The following CAST variants were observed in gnomAD, a reference collection of about 807,000 sequenced individuals.
The protein encoded by CAST is calpastatin.
Under a neutral mutation model 119.6 loss-of-function variants are expected in CAST, and 76 were observed. The ratio of observed to expected loss-of-function variants is 0.64; its 90% confidence interval spans 0.53 to 0.77. The LOEUF (loss-of-function observed/expected upper bound fraction) is 0.77. Among genes scored for constraint, CAST ranks in the 30% least tolerant of loss-of-function variants. The pLI is 0.00. For missense variants in CAST, 953 were observed against 946.5 expected, an observed-to-expected ratio of 1.01 and a Z score of -0.09; for synonymous variants, 319 against 331.6, an observed-to-expected ratio of 0.96 and a Z score of 0.41.
At chr5:96,620,440 G>T (rs532849389) in intron 1 of CAST, among the ~76,000 whole-genome samples, 1 of 152,086 alleles carries the variant, frequency 6.6e-6, no homozygotes, top group East Asian at 1.9e-4. Flanking sequence ...TTCTTGTGGT[G>T]CTGGGCAGCA....
chr5:96,530,473 T>A (rs1158653522), intron 1 of CAST, among the ~76,000 whole-genome samples: 1 of 152,086 alleles, frequency 6.6e-6, no homozygotes. Flanking sequence ...AGTAGGCAAT[T>A]GGATAAAGAG....
chr5:96,236,095 ATCTG>A, the CAST span, among the ~76,000 whole-genome samples: 7 of 151,104 alleles, frequency 4.6e-5, no homozygotes, highest in African/African-American at 1.7e-4. Flanking sequence ...CTGTCTGTCT[ATCTG>A]TCTGTCTGTC....
the CAST span, among the ~76,000 whole-genome samples, chr5:96,130,406 A>T: frequency 4.0e-5 from 6 of 151,492 alleles, no homozygotes; most frequent in African/African-American, 1.5e-4. Context: ...AAGATGTAAC[A>T]TGGTCTCCTG....
chr5:96,280,262 G>T, the CAST span, among the ~76,000 whole-genome samples: 1 of 151,994 alleles, frequency 6.6e-6, no homozygotes, highest in African/African-American at 2.4e-5. Context: ...CTGTTTGGTA[G>T]TTCCTAATTC....
At chr5:96,559,053 A>C (rs1746301987) in intron 1 of CAST, among the ~76,000 whole-genome samples, 1 of 152,214 alleles carries the variant, frequency 6.6e-6, no homozygotes, top group African/African-American at 2.4e-5. Flanking sequence ...CTGGTTCAAC[A>C]TATGCAAATC....
the CAST span, among the ~76,000 whole-genome samples, chr5:96,481,874 A>AT: frequency 1.3e-5 from 2 of 152,202 alleles, no homozygotes; most frequent in African/African-American, 4.8e-5. Context: ...TATTATACCA[A>AT]TAAAAAGTAA....
intron 1 of CAST, among the ~76,000 whole-genome samples, chr5:96,599,030 G>A (rs890587817): frequency 3.3e-5 from 5 of 152,116 alleles, no homozygotes; most frequent in African/African-American, 4.8e-5. Context: ...GCTTCTGACC[G>A]TGGATCTCTC....
intron 28 of CAST, 43 bp from the exon 29 acceptor site, chr5:96,767,864 C>T (rs1308910364): frequency 1.6e-6 from 2 of 1,285,774 alleles, no homozygotes; most frequent in African/African-American, 2.9e-5. Flanking sequence ...TTGCATTTTG[C>T]CTTCTGCTTC....
chr5:96,172,560 C>T, the CAST span, among the ~76,000 whole-genome samples: 6 of 152,318 alleles, frequency 3.9e-5, no homozygotes, highest in African/African-American at 1.4e-4. Context: ...AAAAGAAGGC[C>T]AGCTGCTACT....
chr5:96,732,708 G>T (rs1167544306), intron 9 of CAST, among the ~76,000 whole-genome samples: 5 of 152,068 alleles, frequency 3.3e-5, no homozygotes, highest in East Asian at 1.9e-4. Flanking sequence ...TTAATAAATG[G>T]TGCTGGGAAA....
chr5:96,423,332 G>C, the CAST span: 1 of 1,611,416 alleles, frequency 6.2e-7, no homozygotes, highest in South Asian at 1.1e-5. Context: ...ATAAATGTCC[G>C]TGTGATTCCA....
the CAST span, among the ~76,000 whole-genome samples, chr5:96,081,777 T>TA: frequency 6.6e-6 from 1 of 152,234 alleles, no homozygotes; most frequent in South Asian, 2.1e-4. Context: ...CCTCCATTGT[T>TA]AAAGTTAAGA....
the CAST span, among the ~76,000 whole-genome samples, chr5:95,995,738 A>G: frequency 6.6e-6 from 1 of 152,070 alleles, no homozygotes; most frequent in Non-Finnish European, 1.5e-5. Flanking sequence ...CTTTGGAAAT[A>G]GTTATATTAA....
intron 1 of CAST, among the ~76,000 whole-genome samples, chr5:96,667,245 A>G (rs1439114224): frequency 6.6e-6 from 1 of 152,264 alleles, no homozygotes; most frequent in African/African-American, 2.4e-5. Flanking sequence ...CTCATAGAAC[A>G]TAAGAATAAA....
At chr5:96,766,010 A>G in intron 26 of CAST, 43 bp from the exon 27 acceptor site, 7 of 1,087,472 alleles carry the variant, frequency 6.4e-6, no homozygotes, top group Non-Finnish European at 9.8e-6. Flanking sequence ...TCTAAGTGAA[A>G]GAGGAAATGA....
At chr5:96,353,460 C>T in the CAST span, among the ~76,000 whole-genome samples, 3 of 152,098 alleles carry the variant, frequency 2.0e-5, no homozygotes, top group South Asian at 2.1e-4. Context: ...GTGTCCAGAT[C>T]GCTGGTAAAA....
At chr5:96,237,041 A>G in the CAST span, among the ~76,000 whole-genome samples, 1 of 152,206 alleles carries the variant, frequency 6.6e-6, no homozygotes, top group Non-Finnish European at 1.5e-5. Context: ...TTGTGTCAGC[A>G]TTTCTCAAAG....
intron 1 of CAST, among the ~76,000 whole-genome samples, chr5:96,647,475 T>C (rs1035702418): frequency 1.3e-5 from 2 of 152,162 alleles, no homozygotes; most frequent in African/African-American, 4.8e-5. Context: ...TTTTTATGAT[T>C]AGATCAGTTT....
intron 1 of CAST, among the ~76,000 whole-genome samples, chr5:96,617,978 G>A (rs999578633): frequency 6.6e-6 from 1 of 152,054 alleles, no homozygotes; most frequent in Non-Finnish European, 1.5e-5. Context: ...CAGGAACCAG[G>A]GGTCTGTCCC....
Sources: gnomAD v4.1 joint callset for allele counts (sites outside exome capture counted in the v4.1 genomes callset) on GRCh38, gnomAD v4.1.1 for gene constraint, MANE v1.5 for transcripts, NCBI Gene and HGNC (gene_info 2026-07-23, HGNC 2026-07-21) for gene names.